Variants in PCDH15 observed in about 807,000 individuals in gnomAD.
The protein encoded by PCDH15 is protocadherin related 15, also known as protocadherin-15.
A neutral mutation model predicts 178.5 loss-of-function variants in PCDH15; 129 were observed. That is an observed-to-expected ratio of 0.72 (90% CI 0.63 to 0.84). PCDH15 has a LOEUF of 0.84. PCDH15 is among the 40% of genes least tolerant of loss of function. PCDH15 has a pLI of 0.00. For synonymous variants in PCDH15, 800 were observed against 732.0 expected (o/e 1.09, Z -1.50); for missense variants, 2,230 against 2,099.9 (o/e 1.06, Z -1.21).
intron 2 of PCDH15, among the ~76,000 whole-genome samples, chr10:55,563,274 C>G (rs956461478): frequency 6.6e-6 from 1 of 151,814 alleles, no homozygotes; most frequent in Non-Finnish European, 1.5e-5. Flanking sequence ...GGCTGTTTGT[C>G]CCCCTACATT....
At chr10:54,288,452 T>G in intron 8 of PCDH15, among the ~76,000 whole-genome samples, 1 of 152,202 alleles carries the variant, frequency 6.6e-6, no homozygotes, top group Non-Finnish European at 1.5e-5. Flanking sequence ...CCAGTGTGAC[T>G]GACGCAGAAG....
At chr10:54,260,671 C>T (rs572770354) in intron 8 of PCDH15, among the ~76,000 whole-genome samples, 37 of 152,168 alleles carry the variant, frequency 2.4e-4, no homozygotes, top group African/African-American at 8.7e-4. Flanking sequence ...ACCTCCACCT[C>T]CCCGGTTCAA....
intron 2 of PCDH15, among the ~76,000 whole-genome samples, chr10:55,428,033 T>G (rs2132053433): frequency 6.6e-6 from 1 of 152,148 alleles, no homozygotes; most frequent in Non-Finnish European, 1.5e-5. Context: ...CTTCAATTAT[T>G]TTACGTTTTT....
intron 2 of PCDH15, among the ~76,000 whole-genome samples, chr10:55,071,743 T>G (rs920585582): frequency 9.2e-5 from 14 of 152,206 alleles, no homozygotes; most frequent in Admixed American, 7.2e-4. Context: ...TGCACCAAGC[T>G]GACCTAATAG....
chr10:54,442,842 T>C (rs2075915690), intron 3 of PCDH15, among the ~76,000 whole-genome samples: 1 of 151,484 alleles, frequency 6.6e-6, no homozygotes, highest in Admixed American at 6.6e-5. Flanking sequence ...ACCCAACTTG[T>C]GGTTAGGAAA....
At chr10:55,266,917 A>G (rs528166074) in intron 1 of PCDH15, among the ~76,000 whole-genome samples, 1 of 152,286 alleles carries the variant, frequency 6.6e-6, no homozygotes, top group Non-Finnish European at 1.5e-5. Flanking sequence ...ACATTCTAAC[A>G]CATGCCCACT....
chr10:55,304,608 A>G (rs1321638082), intron 1 of PCDH15, among the ~76,000 whole-genome samples: 1 of 152,182 alleles, frequency 6.6e-6, no homozygotes, highest in Non-Finnish European at 1.5e-5. Context: ...TCAGAAAAGA[A>G]AAAAAAGCAT....
chr10:54,849,757 A>C (rs549387804), intron 3 of PCDH15, among the ~76,000 whole-genome samples: 2 of 152,202 alleles, frequency 1.3e-5, no homozygotes, highest in Non-Finnish European at 2.9e-5. Flanking sequence ...CAACCTAAAT[A>C]GATTGGAATC....
chr10:54,446,740 A>T (rs2076163151), intron 3 of PCDH15, among the ~76,000 whole-genome samples: 1 of 151,400 alleles, frequency 6.6e-6, no homozygotes, highest in Non-Finnish European at 1.5e-5. Context: ...CAGCATTTTT[A>T]GTGCCTGAGA....
chr10:55,375,837 A>G (rs1837383973), intron 2 of PCDH15, among the ~76,000 whole-genome samples: 1 of 152,078 alleles, frequency 6.6e-6, no homozygotes, highest in South Asian at 2.1e-4. Flanking sequence ...AGTAGAATAA[A>G]AAATTTAACA....
chr10:55,418,564 C>G (rs1444882316), intron 2 of PCDH15, among the ~76,000 whole-genome samples: 1 of 151,666 alleles, frequency 6.6e-6, no homozygotes, highest in Non-Finnish European at 1.5e-5. Context: ...TTGCAAGCAG[C>G]CGCCCACCAG....
In PCDH15 at chr10:54,321,392, A is replaced by C. The variant is rs935471343; in HGVS notation, c.706-3951T>G. 2.0e-5 allele frequency among the ~76,000 whole-genome samples: 3 copies of C among 150,176 alleles called. No homozygotes were observed. In the South Asian group the frequency reaches 6.2e-4, roughly 31 times the overall value. ...TTGAATTAATCTAAATTTAATTTAT[A>C]AAAATAGTAAATAGATAATAAATAT... On this transcript the variant is annotated intron_variant, in intron 7 of 37. Transcript: ENST00000644397.
intron 9 of PCDH15, among the ~76,000 whole-genome samples, chr10:54,224,658 T>C (rs1184844956): frequency 6.6e-6 from 1 of 152,142 alleles, no homozygotes; most frequent in Non-Finnish European, 1.5e-5. Context: ...TATTTTCATC[T>C]ATGCCCTAAC....
chr10:54,975,349 T>G (rs937090202), intron 2 of PCDH15, among the ~76,000 whole-genome samples: 2 of 152,202 alleles, frequency 1.3e-5, no homozygotes, highest in Non-Finnish European at 2.9e-5. Flanking sequence ...TTAATACAGA[T>G]GTAAAGAAAA....
At chr10:55,518,876 C>T (rs764738179) in intron 2 of PCDH15, among the ~76,000 whole-genome samples, 2 of 151,486 alleles carry the variant, frequency 1.3e-5, no homozygotes, top group East Asian at 2.0e-4. Context: ...AGGCAGAATA[C>T]GAGGTCAGGA....
At chr10:54,184,176 C>G (rs952025032) in intron 12 of PCDH15, among the ~76,000 whole-genome samples, 1 of 152,056 alleles carries the variant, frequency 6.6e-6, no homozygotes, top group African/African-American at 2.4e-5. Context: ...ACAATTCCTG[C>G]CAAATCAGTG....
intron 1 of PCDH15, among the ~76,000 whole-genome samples, chr10:54,722,190 C>G (rs1381611933): frequency 6.6e-6 from 1 of 151,734 alleles, no homozygotes; most frequent in South Asian, 2.1e-4. Flanking sequence ...AAACCCTCAA[C>G]AAATTAAACA....
Position 53,827,639 on chromosome 10 carries a change from CA to C in PCDH15, c.4212-92del, listed in dbSNP as rs111703509. The C allele has an allele frequency of 4.6e-3, 6,491 of 1,420,534 alleles. 224 individuals are homozygous for C. The African/African-American group carries it at 0.074, about 16-fold the overall frequency. 88.0% of individuals were successfully genotyped at this position (1,420,534 alleles called of 1,614,324 possible). A position where few individuals can be genotyped will look rare whatever the true frequency, so the allele number is the denominator to read the frequency against. ...CCTTTTAATAATGGGGTCCAGTTAT[CA>C]GGGGAACCCACTAAAATTATTTTAC... On this transcript the variant is annotated intron_variant, in intron 31 of 37. Coordinates refer to ENST00000644397, the MANE Select transcript of PCDH15 (RefSeq NM_001384140.1).
intron 2 of PCDH15, among the ~76,000 whole-genome samples, chr10:54,554,572 T>C (rs2086965184): frequency 6.6e-6 from 1 of 152,174 alleles, no homozygotes; most frequent in Admixed American, 6.5e-5. Context: ...TTTTGGAGGC[T>C]ACCCCAAGAC....
Sources: allele counts gnomAD v4.1 joint callset (sites outside exome capture counted in the v4.1 genomes callset), GRCh38; gene constraint gnomAD v4.1.1; transcripts MANE v1.5; gene names NCBI Gene and HGNC (gene_info 2026-07-23, HGNC 2026-07-21).